Variants in FRMPD1 observed in about 807,000 individuals in gnomAD.
The protein encoded by FRMPD1 is FERM and PDZ domain-containing protein 1.
Under a neutral mutation model 117.8 loss-of-function variants are expected in FRMPD1, and 76 were observed. That is an observed-to-expected ratio of 0.65 (90% CI 0.54 to 0.78). The LOEUF (loss-of-function observed/expected upper bound fraction) is 0.78. FRMPD1 is among the 30% of genes least tolerant of loss of function. The pLI is 0.00. For synonymous variants in FRMPD1, 783 were observed against 770.4 expected (o/e 1.02, Z -0.27); for missense variants, 1,786 against 1,964.5 (o/e 0.91, Z 1.72).
intron 1 of FRMPD1, among the ~76,000 whole-genome samples, chr9:37,684,929 A>G (rs530333411): frequency 2.0e-5 from 3 of 151,786 alleles, no homozygotes; most frequent in African/African-American, 7.3e-5. Context: ...AACTTTTTTT[A>G]TTTTCAGTAC....
intron 2 of FRMPD1, among the ~76,000 whole-genome samples, chr9:37,705,327 A>ATTGT (rs1297892916): frequency 6.6e-6 from 1 of 152,044 alleles, no homozygotes; most frequent in Admixed American, 6.6e-5. Flanking sequence ...AAAACACCAA[A>ATTGT]TTGTTTGTTT....
At chr9:37,716,936 C>G (rs899951735) in intron 5 of FRMPD1, among the ~76,000 whole-genome samples, 1 of 152,140 alleles carries the variant, frequency 6.6e-6, no homozygotes, top group South Asian at 2.1e-4. Flanking sequence ...GGCAAGTTCA[C>G]TCTCTGGGGC....
chr9:37,718,208 TC>T (rs990811650), intron 5 of FRMPD1, among the ~76,000 whole-genome samples: 1 of 152,242 alleles, frequency 6.6e-6, no homozygotes, highest in Non-Finnish European at 1.5e-5. Flanking sequence ...GAACACTGTT[TC>T]CAACAGTTTC....
At chr9:37,662,244 C>T (rs991527103) in intron 1 of FRMPD1, among the ~76,000 whole-genome samples, 2 of 152,178 alleles carry the variant, frequency 1.3e-5, no homozygotes, top group Non-Finnish European at 2.9e-5. Flanking sequence ...TAAACCCACT[C>T]CTGCAATAAC....
At chr9:37,650,180 T>G (rs924885635), upstream of FRMPD1, among the ~76,000 whole-genome samples, 1 of 152,272 alleles carries the variant, frequency 6.6e-6, no homozygotes, top group East Asian at 1.9e-4. Flanking sequence ...AGGTGTTCAG[T>G]AGAGTTCAGC....
chr9:37,636,726 T>C, the FRMPD1 span: 32 of 1,586,598 alleles, frequency 2.0e-5, no homozygotes, highest in Non-Finnish European at 2.7e-5. Context: ...ACAGGGGTGC[T>C]GTCGATCTTG....
chr9:37,718,463 A>G (rs1011806325), intron 5 of FRMPD1, among the ~76,000 whole-genome samples: 2 of 152,242 alleles, frequency 1.3e-5, no homozygotes, highest in African/African-American at 2.4e-5. Flanking sequence ...GCCTGATACA[A>G]TCTAGTCCAA....
At chr9:37,730,912 A>G in intron 8 of FRMPD1, 72 bp from the exon 9 acceptor site, 1 of 1,473,140 alleles carries the variant, frequency 6.8e-7, no homozygotes, top group Non-Finnish European at 9.5e-7. Flanking sequence ...TGTTTTATAG[A>G]GTGGTTTTGT....
At chr9:37,712,985 A>G (rs1822966363) in intron 5 of FRMPD1, among the ~76,000 whole-genome samples, 1 of 152,048 alleles carries the variant, frequency 6.6e-6, no homozygotes, top group East Asian at 1.9e-4. Context: ...TATTACTGAC[A>G]TATATAAAAA....
At chr9:37,742,724 C>A (rs1824481851) in intron 15 of FRMPD1, among the ~76,000 whole-genome samples, 1 of 152,026 alleles carries the variant, frequency 6.6e-6, no homozygotes. Flanking sequence ...CATGGCAAAA[C>A]CCCATCTTTA....
chr9:37,723,448 A>G (rs1205314476), intron 6 of FRMPD1, among the ~76,000 whole-genome samples: 2 of 152,194 alleles, frequency 1.3e-5, no homozygotes, highest in Non-Finnish European at 2.9e-5. Flanking sequence ...GAAATTCCCA[A>G]GTGCCAAGAA....
intron 1 of FRMPD1, among the ~76,000 whole-genome samples, chr9:37,665,843 T>G (rs1369009748): frequency 6.6e-6 from 1 of 152,168 alleles, no homozygotes; most frequent in African/African-American, 2.4e-5. Flanking sequence ...AGCAGCCACA[T>G]GTGAGGGCTC....
At chr9:37,697,515 C>T (rs1380252108) in intron 2 of FRMPD1, among the ~76,000 whole-genome samples, 7 of 151,418 alleles carry the variant, frequency 4.6e-5, no homozygotes, top group Non-Finnish European at 1.0e-4. Context: ...TGCAGTGAGC[C>T]GAGATAGCGC....
rs770969249 is a variant in FRMPD1, at chr9:37,746,790, C to A, written c.*21C>A. 2 of 1,561,448 alleles carry A rather than the reference C, an allele frequency of 1.3e-6. No individual in the cohort carries two copies. Among genetic ancestry groups the A allele is most frequent in the African/African-American group, 2.7e-5 (2 of 73,894 alleles). On this transcript the variant is annotated 3_prime_UTR_variant, in exon 16 of 16. Transcript: ENST00000377765. ...TGTAAACAGGTCAACGGCCCAAGGG[C>A]CTCCTGCCCTGTCCTGCCTTGGACA...
chr9:37,700,715 C>T (rs1281407332), intron 2 of FRMPD1, among the ~76,000 whole-genome samples: 2 of 152,186 alleles, frequency 1.3e-5, no homozygotes, highest in African/African-American at 2.4e-5. Flanking sequence ...AGACTGTTTT[C>T]ATGATAAATG....
chr9:37,645,648 C>G, the FRMPD1 span, among the ~76,000 whole-genome samples: 1 of 152,186 alleles, frequency 6.6e-6, no homozygotes, highest in Non-Finnish European at 1.5e-5. Flanking sequence ...ACTCCCTATT[C>G]TTAGTATTAT....
At chr9:37,650,266 G>A (rs1349006399), upstream of FRMPD1, among the ~76,000 whole-genome samples, 1 of 152,180 alleles carries the variant, frequency 6.6e-6, no homozygotes, top group East Asian at 1.9e-4. Context: ...CAGGGGAGTG[G>A]GTGAGACGGC....
chr9:37,654,920 T>C (rs1297248367), intron 1 of FRMPD1, among the ~76,000 whole-genome samples: 1 of 152,246 alleles, frequency 6.6e-6, no homozygotes, highest in East Asian at 1.9e-4. Context: ...CTGCTGCTGC[T>C]GCTCCTGCTA....
chr9:37,736,666 C>T (rs970585356), intron 13 of FRMPD1, among the ~76,000 whole-genome samples: 3 of 152,116 alleles, frequency 2.0e-5, no homozygotes, highest in African/African-American at 7.2e-5. Flanking sequence ...TCACCCTCTC[C>T]CTCATTCTCC....
Sources: allele counts gnomAD v4.1 joint callset (sites outside exome capture counted in the v4.1 genomes callset), GRCh38; gene constraint gnomAD v4.1.1; transcripts MANE v1.5; gene names NCBI Gene and HGNC (gene_info 2026-07-23, HGNC 2026-07-21).